Variants in ATRX observed in about 807,000 individuals in gnomAD.
The protein encoded by ATRX is chromatin remodeler ATRX.
ATRX carries 12 observed loss-of-function variants against 172.6 expected under a neutral mutation model. The observed-to-expected ratio is 0.07, with a 90% CI of 0.04 to 0.11. The LOEUF (loss-of-function observed/expected upper bound fraction) is 0.11, where lower values mean the gene tolerates loss of function less well. ATRX is among the 10% of genes least tolerant of loss of function. The pLI, the probability that ATRX is intolerant of heterozygous loss-of-function variation, is 1.00. For synonymous variants in ATRX, 674 were observed against 594.7 expected (o/e 1.13, Z -1.94); for missense variants, 1,368 against 1,767.4 (o/e 0.77, Z 4.05).
intron 7 of ATRX, 54 bp downstream of exon 7, chrX:77,688,764 T>C: frequency 9.9e-7 from 1 of 1,005,996 alleles, no homozygotes; most frequent in Non-Finnish European, 1.4e-6. Context: ...AGGCCTGGTA[T>C]ATGGTAAGCA....
chrX:77,708,653 C>CT (rs1557158713), intron 2 of ATRX, among the ~76,000 whole-genome samples: 1 of 108,325 alleles, frequency 9.2e-6, no homozygotes, highest in African/African-American at 3.4e-5. Context: ...GAACGAGACT[C>CT]TGTCTCAAAA....
At chrX:77,653,179 T>C (rs1240181956) in intron 14 of ATRX, among the ~76,000 whole-genome samples, 3 of 111,588 alleles carry the variant, frequency 2.7e-5, no homozygotes, top group African/African-American at 9.8e-5. Flanking sequence ...TACTATATGA[T>C]GTAGCAATTC....
chrX:77,633,801 T>G, intron 17 of ATRX, 89 bp from the exon 18 acceptor site: 1 of 1,006,210 alleles, frequency 9.9e-7, no homozygotes, highest in Non-Finnish European at 1.4e-6. Flanking sequence ...AGCTTTGTTT[T>G]GCTTAAACAA....
intron 27 of ATRX, among the ~76,000 whole-genome samples, chrX:77,584,938 A>G (rs1432774000): frequency 8.9e-6 from 1 of 111,899 alleles, no homozygotes; most frequent in Non-Finnish European, 1.9e-5. Context: ...CGGAATATAT[A>G]AAGAACTCAA....
intron 2 of ATRX, 26 bp from the exon 3 acceptor site, chrX:77,698,655 TA>T: frequency 8.8e-7 from 1 of 1,141,128 alleles, no homozygotes; most frequent in East Asian, 3.0e-5. Context: ...TAAAGAACAT[TA>T]TTTATCTCTT....
chrX:77,723,023 GT>G (rs1359689084), intron 1 of ATRX, among the ~76,000 whole-genome samples: 5 of 111,892 alleles, frequency 4.5e-5, no homozygotes, highest in Non-Finnish European at 9.4e-5. Context: ...AAAAGGATGC[GT>G]TTATGTCCTT....
chrX:77,723,853 C>G (rs1316921319), intron 1 of ATRX, among the ~76,000 whole-genome samples: 1 of 111,927 alleles, frequency 8.9e-6, no homozygotes, highest in Admixed American at 9.6e-5. Flanking sequence ...CACTCATTCC[C>G]AAATCATAGC....
At chrX:77,517,190 C>T (rs1557039443) in intron 34 of ATRX, among the ~76,000 whole-genome samples, 1 of 108,820 alleles carries the variant, frequency 9.2e-6, no homozygotes, top group Admixed American at 9.8e-5. Flanking sequence ...GAAAATAAAA[C>T]CCCAAATTAG....
At chrX:77,776,838 G>C (rs1486051339) in intron 1 of ATRX, among the ~76,000 whole-genome samples, 3 of 111,660 alleles carry the variant, frequency 2.7e-5, no homozygotes, top group Non-Finnish European at 5.6e-5. Flanking sequence ...GTAGATGTCA[G>C]ACGTGTGTGC....
chrX:77,721,536 TAGAG>T (rs1645358957), intron 1 of ATRX, among the ~76,000 whole-genome samples: 1 of 109,992 alleles, frequency 9.1e-6, no homozygotes, highest in Admixed American at 9.8e-5. Flanking sequence ...CAATAACAGA[TAGAG>T]AGCCAAATCA....
At chrX:77,664,251 T>C (rs782248559) in intron 11 of ATRX, among the ~76,000 whole-genome samples, 2 of 111,024 alleles carry the variant, frequency 1.8e-5, no homozygotes, top group Non-Finnish European at 3.8e-5. Context: ...AGAGATTTTT[T>C]TTCTTCTTCT....
At position 77,696,157 on chromosome X, in the gene ATRX, T is replaced by A. The variant is rs931506277; in HGVS notation, c.370+420A>T. Among the ~76,000 whole-genome samples the A allele has an allele frequency of 1.4e-3, 159 of 112,214 alleles. 2 individuals carry two copies. Among genetic ancestry groups the A allele is most frequent in the African/African-American group, 4.8e-3 (150 of 30,992 alleles). On this transcript the variant is annotated intron_variant, in intron 5 of 34. Transcript: ENST00000373344. ...AACTTCAGCTTTTAGCCTTAGGGAA[T>A]TTAAGAATGCAATAAGACTAAACTA...
chrX:77,564,449 G>T (rs782389913), intron 28 of ATRX, among the ~76,000 whole-genome samples: 2 of 110,778 alleles, frequency 1.8e-5, no homozygotes, highest in South Asian at 7.8e-4. Flanking sequence ...GCAATGGCAT[G>T]ATCACAGCTC....
At chrX:77,521,902 A>G (rs1157643806) in intron 32 of ATRX, 4 of 223,157 alleles carry the variant, frequency 1.8e-5, no homozygotes, top group African/African-American at 1.1e-4. Context: ...ATAATGCACT[A>G]GAATAGAAGT....
In ATRX at chrX:77,592,317, G is replaced by A. The variant is rs974715671; in HGVS notation, c.6110+1379C>T. Among the ~76,000 whole-genome samples, 3 of 103,703 alleles carry A rather than the reference G, an allele frequency of 2.9e-5. No individual in the cohort carries two copies. The South Asian group carries it at 1.4e-3, about 47-fold the overall frequency. The allele number at this position is 103,703 out of a possible 115,157, so 90.1% of individuals were successfully genotyped here. ...TCCCAGCTACTCAGGAGGCAAGGCTGGAGAATCACTTGAACCCAGGAAGTG... is the reference window on the plus strand; with the variant it reads ...TCCCAGCTACTCAGGAGGCAAGGCTAGAGAATCACTTGAACCCAGGAAGTG... On this transcript the variant is annotated intron_variant, in intron 26 of 34. Coordinates refer to ENST00000373344, the MANE Select transcript of ATRX (RefSeq NM_000489.6).
At chrX:77,512,791 C>T (rs1309779554) in intron 34 of ATRX, among the ~76,000 whole-genome samples, 1 of 111,022 alleles carries the variant, frequency 9.0e-6, no homozygotes, top group Non-Finnish European at 1.9e-5. Flanking sequence ...ATCGCTCAAA[C>T]CCGGGAAGGC....
At chrX:77,660,835 C>T (rs5959246) in intron 12 of ATRX, among the ~76,000 whole-genome samples, 56,434 of 109,482 alleles carry the variant, frequency 0.52, 12,884 homozygotes, top group Non-Finnish European at 0.68. Flanking sequence ...TGAATAACCT[C>T]AACTATTTCT....
chrX:77,599,608 A>C (rs782704501), intron 24 of ATRX, 28 bp from the exon 25 acceptor site: 96 of 1,198,622 alleles, frequency 8.0e-5, no homozygotes, highest in South Asian at 1.4e-4. Flanking sequence ...AACAAACAAA[A>C]AAACACATTC....
At chrX:77,553,923 T>C (rs1414274815) in intron 30 of ATRX, among the ~76,000 whole-genome samples, 1 of 111,995 alleles carries the variant, frequency 8.9e-6, no homozygotes, top group Non-Finnish European at 1.9e-5. Flanking sequence ...TTTATGAGTG[T>C]ATCCTTAGAG....
Sources: allele counts gnomAD v4.1 joint callset (sites outside exome capture counted in the v4.1 genomes callset), GRCh38; gene constraint gnomAD v4.1.1; transcripts MANE v1.5; gene names NCBI Gene and HGNC (gene_info 2026-07-23, HGNC 2026-07-21).